The following KHDRBS2 variants were observed in gnomAD, a reference collection of about 807,000 sequenced individuals.
The protein encoded by KHDRBS2 is KH domain-containing, RNA-binding, signal transduction-associated protein 2.
In KHDRBS2, 26 loss-of-function variants were observed where a neutral mutation model predicts 44.3. The ratio of observed to expected loss-of-function variants is 0.59; its 90% confidence interval spans 0.43 to 0.81. The LOEUF is 0.81. Among genes scored for constraint, KHDRBS2 ranks in the 40% least tolerant of loss-of-function variants. The pLI, the probability that KHDRBS2 is intolerant of heterozygous loss-of-function variation, is 0.00. For synonymous variants in KHDRBS2, 194 were observed against 151.1 expected (o/e 1.28, Z -2.08); for missense variants, 476 against 433.1 (o/e 1.10, Z -0.88).
chr6:61,645,791 C>T, the KHDRBS2 span, among the ~76,000 whole-genome samples: 3 of 152,184 alleles, frequency 2.0e-5, no homozygotes, highest in African/African-American at 7.2e-5. Flanking sequence ...TTTCCAATAC[C>T]TTTGATAATG....
chr6:61,983,212 C>CTTTCTTT (rs1554304761), intron 3 of KHDRBS2, among the ~76,000 whole-genome samples: 2 of 55,290 alleles, frequency 3.6e-5, no homozygotes, highest in Non-Finnish European at 6.9e-5. Flanking sequence ...TTCTTTCTTT[C>CTTTCTTT]TTTCTTTCTT....
At chr6:61,965,707 T>C (rs1562543153) in intron 4 of KHDRBS2, among the ~76,000 whole-genome samples, 1 of 151,844 alleles carries the variant, frequency 6.6e-6, no homozygotes, top group Non-Finnish European at 1.5e-5. Context: ...TGTATAAATA[T>C]GGAGATTCTG....
intron 1 of KHDRBS2, among the ~76,000 whole-genome samples, chr6:62,232,364 C>T (rs1413665472): frequency 1.3e-5 from 2 of 152,024 alleles, no homozygotes; most frequent in Admixed American, 6.6e-5. Flanking sequence ...TTGTCCTCTC[C>T]TTATGTAATT....
intron 6 of KHDRBS2, among the ~76,000 whole-genome samples, chr6:61,843,550 A>G (rs1404860718): frequency 1.3e-5 from 2 of 151,640 alleles, no homozygotes; most frequent in Non-Finnish European, 2.9e-5. Context: ...TTTTTTTAGT[A>G]GAGACGGGGT....
At chr6:62,051,015 C>T (rs2127312166) in intron 2 of KHDRBS2, among the ~76,000 whole-genome samples, 2 of 152,098 alleles carry the variant, frequency 1.3e-5, no homozygotes, top group East Asian at 2.0e-4. Flanking sequence ...TAAAAGAATA[C>T]ATTATGTTAG....
chr6:62,091,155 C>T (rs1465758792), intron 2 of KHDRBS2, among the ~76,000 whole-genome samples: 2 of 152,074 alleles, frequency 1.3e-5, no homozygotes, highest in African/African-American at 4.8e-5. Flanking sequence ...CAAGAACTGC[C>T]ACGTTCTTGA....
intron 3 of KHDRBS2, among the ~76,000 whole-genome samples, chr6:61,987,484 C>A (rs552343598): frequency 2.6e-5 from 4 of 152,102 alleles, no homozygotes; most frequent in Non-Finnish European, 5.9e-5. Flanking sequence ...TACTAAAGTG[C>A]TTTTTGCAGG....
At chr6:61,666,018 A>G in the KHDRBS2 span, among the ~76,000 whole-genome samples, 6 of 151,222 alleles carry the variant, frequency 4.0e-5, no homozygotes, top group Non-Finnish European at 5.9e-5. Flanking sequence ...ACTATTAGTC[A>G]TATATACAAA....
chr6:61,733,260 A>G (rs1774779930), intron 6 of KHDRBS2, among the ~76,000 whole-genome samples: 2 of 152,112 alleles, frequency 1.3e-5, no homozygotes, highest in Non-Finnish European at 2.9e-5. Flanking sequence ...AAATAAAAGA[A>G]AAAAAGAGGG....
chr6:61,712,068 T>C (rs146367908), intron 7 of KHDRBS2, among the ~76,000 whole-genome samples: 5 of 151,704 alleles, frequency 3.3e-5, no homozygotes, highest in Non-Finnish European at 7.4e-5. Context: ...AAGCCAAAAC[T>C]AAGAGAAAAT....
intron 2 of KHDRBS2, among the ~76,000 whole-genome samples, chr6:62,173,853 A>G (rs1373147005): frequency 1.3e-5 from 2 of 152,044 alleles, no homozygotes; most frequent in African/African-American, 4.8e-5. Context: ...ATTTCAATAA[A>G]ATTCAACATC....
intron 3 of KHDRBS2, among the ~76,000 whole-genome samples, chr6:62,018,851 C>T (rs1031669920): frequency 2.2e-4 from 33 of 152,124 alleles, no homozygotes; most frequent in African/African-American, 7.5e-4. Context: ...ACTTACTTTA[C>T]TATTATCTAA....
chr6:61,667,608 A>C, the KHDRBS2 span, among the ~76,000 whole-genome samples: 1 of 151,336 alleles, frequency 6.6e-6, no homozygotes, highest in African/African-American at 2.4e-5. Flanking sequence ...TTTCTGCAAA[A>C]TATTTCTTCG....
At chr6:61,608,586 C>T in the KHDRBS2 span, among the ~76,000 whole-genome samples, 1 of 152,010 alleles carries the variant, frequency 6.6e-6, no homozygotes, top group Non-Finnish European at 1.5e-5. Flanking sequence ...TATCCCTCCC[C>T]TTATCCCCCA....
intron 6 of KHDRBS2, among the ~76,000 whole-genome samples, chr6:61,845,245 T>A (rs982552180): frequency 4.6e-5 from 7 of 151,784 alleles, no homozygotes; most frequent in Admixed American, 6.6e-5. Flanking sequence ...ATTTTGCCAA[T>A]ACTCAGTGAT....
chr6:61,716,713 T>C (rs549107750), intron 7 of KHDRBS2, among the ~76,000 whole-genome samples: 7 of 152,080 alleles, frequency 4.6e-5, no homozygotes, highest in Non-Finnish European at 7.4e-5. Context: ...CATTCCTGAT[T>C]CCTTAAATAT....
chr6:61,794,302 A>C (rs1293124265), intron 6 of KHDRBS2, among the ~76,000 whole-genome samples: 1 of 152,180 alleles, frequency 6.6e-6, no homozygotes, highest in South Asian at 2.1e-4. Context: ...GTGTTCTAAT[A>C]CGTGTAAGAC....
At chr6:61,801,035 T>C (rs1562209125) in intron 6 of KHDRBS2, among the ~76,000 whole-genome samples, 1 of 152,182 alleles carries the variant, frequency 6.6e-6, no homozygotes, top group Non-Finnish European at 1.5e-5. Flanking sequence ...TGCACCTGTC[T>C]AAGGATGATA....
intron 3 of KHDRBS2, among the ~76,000 whole-genome samples, chr6:62,038,596 G>T (rs1476452408): frequency 6.6e-6 from 1 of 152,018 alleles, no homozygotes; most frequent in Non-Finnish European, 1.5e-5. Context: ...ATGAAATTCA[G>T]AATCTAAATT....
Sources: allele counts gnomAD v4.1 joint callset (sites outside exome capture counted in the v4.1 genomes callset), GRCh38; gene constraint gnomAD v4.1.1; transcripts MANE v1.5; gene names NCBI Gene and HGNC (gene_info 2026-07-23, HGNC 2026-07-21).